KIF2A: variants seen among roughly 807,000 people sequenced by gnomAD.
KIF2A encodes kinesin family member 2A, also known as kinesin-like protein KIF2A.
KIF2A carries 22 observed loss-of-function variants against 100.2 expected under a neutral mutation model. The ratio of observed to expected loss-of-function variants is 0.22; its 90% CI spans 0.16 to 0.31. The LOEUF is 0.31. Among genes scored for constraint, KIF2A ranks in the 10% least tolerant of loss-of-function variants. The pLI, the probability that KIF2A is intolerant of heterozygous loss-of-function variation, is 1.00. For missense variants in KIF2A, 495 were observed against 898.7 expected (o/e 0.55, Z 5.74); for synonymous variants, 268 against 285.9 (o/e 0.94, Z 0.63).
At chr5:62,348,277 A>G (rs1747678451) in intron 3 of KIF2A, 110 bp downstream of exon 3, 1 of 1,168,440 alleles carries the variant, frequency 8.6e-7, no homozygotes, top group Non-Finnish European at 1.2e-6. Context: ...AGAATTGATT[A>G]ATTTGCTTTT....
intron 1 of KIF2A, among the ~76,000 whole-genome samples, chr5:62,313,616 A>G (rs7707035): frequency 0.58 from 87,700 of 151,850 alleles, 25,540 homozygotes; most frequent in South Asian, 0.65. Context: ...GCCTCCCAAA[A>G]TGCTGGGATT....
chr5:62,379,154 C>A (rs115500468), intron 19 of KIF2A, among the ~76,000 whole-genome samples: 3,848 of 152,172 alleles, frequency 0.025, 144 homozygotes, highest in African/African-American at 0.085. Context: ...CCTTTTGGAA[C>A]AAGGTATCCT....
At chr5:62,375,938 T>C (rs1386218705) in intron 18 of KIF2A, among the ~76,000 whole-genome samples, 1 of 152,192 alleles carries the variant, frequency 6.6e-6, no homozygotes, top group African/African-American at 2.4e-5. Flanking sequence ...CTTTGAACCA[T>C]AAAAACTAAA....
chr5:62,360,456 G>A (rs568809485), intron 9 of KIF2A, among the ~76,000 whole-genome samples: 3 of 152,232 alleles, frequency 2.0e-5, no homozygotes, highest in South Asian at 2.1e-4. Flanking sequence ...AGGCCAAGGC[G>A]GGCAGATCGC....
rs967959365 is a variant in KIF2A, at chr5:62,321,119, T to C, written c.64+14583T>C. On this transcript the variant is annotated intron_variant, in intron 1 of 20. Coordinates refer to ENST00000407818, the MANE Select transcript of KIF2A (RefSeq NM_001098511.3). ...TATAGTAACATATTTCAGTACTTTTTTTATGGTTGAATAATATTCCATTTC... is the reference window on the plus strand; with the variant it reads ...TATAGTAACATATTTCAGTACTTTTCTTATGGTTGAATAATATTCCATTTC... 3.3e-5 allele frequency among the ~76,000 whole-genome samples: 5 copies of C among 152,256 alleles called. No individual in the cohort carries two copies. In the South Asian group the frequency reaches 1.0e-3, roughly 31 times the overall value.
chr5:62,328,749 C>T (rs1228296283), intron 1 of KIF2A, among the ~76,000 whole-genome samples: 1 of 152,194 alleles, frequency 6.6e-6, no homozygotes, highest in Non-Finnish European at 1.5e-5. Flanking sequence ...GCCTCAGCCT[C>T]CCAAGGTGCT....
intron 20 of KIF2A, among the ~76,000 whole-genome samples, chr5:62,384,047 G>A (rs1300225081): frequency 6.6e-6 from 1 of 152,098 alleles, no homozygotes; most frequent in Non-Finnish European, 1.5e-5. Flanking sequence ...GGCCAGCCTG[G>A]TCAACATTGT....
At chr5:62,318,247 T>A (rs1463788456) in intron 1 of KIF2A, among the ~76,000 whole-genome samples, 8 of 152,186 alleles carry the variant, frequency 5.3e-5, no homozygotes, top group African/African-American at 1.9e-4. Flanking sequence ...CACGCCCAGC[T>A]AATTTTTGTA....
chr5:62,330,663 T>A (rs1746585931), intron 1 of KIF2A, among the ~76,000 whole-genome samples: 1 of 152,218 alleles, frequency 6.6e-6, no homozygotes, highest in African/African-American at 2.4e-5. Context: ...CCTCTTAGTC[T>A]CTGCTTGAGA....
Position 62,388,176 on chromosome 5 carries a change from C to T in KIF2A, c.*2607C>T, listed in dbSNP as rs1742127032. 6.6e-6 allele frequency: 1 copy of T among 152,114 alleles called. No homozygotes were observed. Among genetic ancestry groups the T allele is most frequent in the African/African-American group, 2.4e-5 (1 of 41,416 alleles). The allele number at this position is 152,114 out of a possible 1,614,324, so 9.4% of individuals were successfully genotyped here. A position where few individuals can be genotyped will look rare whatever the true frequency, so the allele number is the denominator to read the frequency against. On this transcript the variant is annotated 3_prime_UTR_variant, in exon 21 of 21. Coordinates refer to ENST00000407818, the MANE Select transcript of KIF2A (RefSeq NM_001098511.3). ...CTGGAAATTTTAATTGTCCAGAAATCATAGGAATACTGGGAACCTGTAGTT... is the reference window on the plus strand; with the variant it reads ...CTGGAAATTTTAATTGTCCAGAAATTATAGGAATACTGGGAACCTGTAGTT...
At chr5:62,370,998 A>C (rs570855401) in intron 16 of KIF2A, among the ~76,000 whole-genome samples, 6 of 152,136 alleles carry the variant, frequency 3.9e-5, no homozygotes, top group Non-Finnish European at 8.8e-5. Context: ...CAGACGCTGT[A>C]GCTCATGCTT....
intron 15 of KIF2A, among the ~76,000 whole-genome samples, chr5:62,365,769 T>C (rs769227966): frequency 6.6e-6 from 1 of 152,188 alleles, no homozygotes; most frequent in Non-Finnish European, 1.5e-5. Flanking sequence ...CTAAACTTGC[T>C]CCAAACTCTT....
chr5:62,312,786 G>A (rs1459008093), intron 1 of KIF2A, among the ~76,000 whole-genome samples: 3 of 152,132 alleles, frequency 2.0e-5, no homozygotes, highest in Non-Finnish European at 4.4e-5. Flanking sequence ...TAAAAGTCAT[G>A]CTTCTAGGCT....
chr5:62,382,718 C>T (rs1427222528), intron 20 of KIF2A, among the ~76,000 whole-genome samples: 1 of 150,256 alleles, frequency 6.7e-6, no homozygotes, highest in African/African-American at 2.5e-5. Flanking sequence ...AATGCAACCT[C>T]TACCTCCCAG....
intron 1 of KIF2A, among the ~76,000 whole-genome samples, chr5:62,307,879 A>G (rs1745391159): frequency 8.5e-5 from 13 of 152,100 alleles, no homozygotes; most frequent in Admixed American, 8.5e-4. Context: ...CGGCCTCCCA[A>G]TGTGCTGGGA....
At chr5:62,314,023 C>T (rs1421012730) in intron 1 of KIF2A, among the ~76,000 whole-genome samples, 2 of 152,054 alleles carry the variant, frequency 1.3e-5, no homozygotes, top group Non-Finnish European at 2.9e-5. Context: ...AACTCCTGGC[C>T]TCAAGCAATT....
chr5:62,342,104 C>T (rs1455495576), intron 1 of KIF2A, among the ~76,000 whole-genome samples: 1 of 152,172 alleles, frequency 6.6e-6, no homozygotes, highest in East Asian at 1.9e-4. Flanking sequence ...AACTCTTTTA[C>T]TTTCTCCAAA....
At chr5:62,339,670 G>A (rs1441697615) in intron 1 of KIF2A, among the ~76,000 whole-genome samples, 1 of 150,298 alleles carries the variant, frequency 6.7e-6, no homozygotes, top group African/African-American at 2.5e-5. Flanking sequence ...TAGATAAAAT[G>A]TATATTTGTG....
intron 7 of KIF2A, among the ~76,000 whole-genome samples, chr5:62,355,472 C>T (rs1478502137): frequency 6.6e-6 from 1 of 152,052 alleles, no homozygotes; most frequent in African/African-American, 2.4e-5. Flanking sequence ...TAGAGATGTC[C>T]TTCTCGAAGC....
Sources: gnomAD v4.1 joint callset for allele counts (sites outside exome capture counted in the v4.1 genomes callset) on GRCh38, gnomAD v4.1.1 for gene constraint, MANE v1.5 for transcripts, NCBI Gene and HGNC (gene_info 2026-07-23, HGNC 2026-07-21) for gene names.